Variants in BEST1 observed in about 807,000 individuals in gnomAD.
BEST1 encodes bestrophin 1, also known as bestrophin-1.
Under a neutral mutation model 63.3 loss-of-function variants are expected in BEST1, and 58 were observed. That is an observed-to-expected ratio of 0.92 (90% CI 0.74 to 1.14). The LOEUF is 1.14. Among genes scored for constraint, BEST1 ranks in the 50% most tolerant of loss-of-function variants. BEST1 has a pLI of 0.00. For missense variants in BEST1, 671 were observed against 740.1 expected (o/e 0.91, Z 1.08); for synonymous variants, 283 against 291.6 (o/e 0.97, Z 0.30).
At chr11:61,952,086 AC>A in intron 2 of BEST1, 128 bp downstream of exon 2, 1 of 1,211,196 alleles carries the variant, frequency 8.3e-7, no homozygotes, top group Non-Finnish European at 1.2e-6. Flanking sequence ...TGAGCTCCTG[AC>A]CAGGTCCTGG....
In BEST1 at chr11:61,962,697, T is replaced by C. The variant is rs774906757; in HGVS notation, c.1543T>C (p.Leu515=). 2.5e-6 allele frequency: 4 copies of C among 1,614,210 alleles called. No individual in the cohort carries two copies. Among genetic ancestry groups the C allele is most frequent in the Non-Finnish European group, 1.7e-6 (2 of 1,180,046 alleles). ...TTCTGGGGCCAAGAAAAGTTTTGAA[T>C]TGCTCTCAGAGAGCGATGGGGCCTT... ...VSSGAKKSFE[L]LSESDGALME... Residue 515 remains leucine (L), a synonymous_variant, in exon 10 of 11, where the codon TTG becomes CTG. Transcript: ENST00000378043.
intron 3 of BEST1, 37 bp from the exon 4 acceptor site, chr11:61,955,681 G>GGCCCCTCGCCCCTCGCCCCCC: frequency 1.3e-6 from 2 of 1,527,990 alleles, no homozygotes; most frequent in Non-Finnish European, 1.8e-6. Context: ...GCCGCAGCCT[G>GGCCCCTCGCCCCTCGCCCCCC]GCCCCTCGCC....
downstream of BEST1, chr11:61,964,656 C>A: frequency 6.7e-7 from 1 of 1,501,488 alleles, no homozygotes; most frequent in Admixed American, 1.7e-5. Flanking sequence ...GTAAAGGAAA[C>A]CCCAACATGC....
chr11:61,964,014 C>T (rs1165347355), intron 10 of BEST1, 90 bp from the exon 11 acceptor site: 2 of 1,578,830 alleles, frequency 1.3e-6, no homozygotes, highest in Non-Finnish European at 1.7e-6. Context: ...AAAGGATCGT[C>T]TCAACCTTTG....
In BEST1 at chr11:61,955,197, G is replaced by A. The variant is rs552858877; in HGVS notation, c.243G>A (p.Val81=). ...SYIQLIPISF[V]LGFYVTLVVT... The stretch of plus-strand genomic sequence containing the variant: ...TCCAGCTCATCCCCATTTCCTTCGT[G>A]CTGGGTGAGTTCCCCCTTCTGGCTG... Residue 81 remains valine, a synonymous_variant, in exon 3 of 11, where the codon GTG becomes GTA. Coordinates refer to ENST00000378043, the MANE Select transcript of BEST1 (RefSeq NM_004183.4). 2 of 1,614,168 alleles carry A rather than the reference G, an allele frequency of 1.2e-6. No individual in the cohort carries two copies. The highest frequency in any genetic ancestry group is 2.2e-5 in the East Asian group (1 of 44,882).
chr11:61,959,949 A>G lies in BEST1; in HGVS notation c.1006A>G (p.Met336Val). The G allele has an allele frequency of 6.2e-7, 1 of 1,613,224 alleles. No homozygotes were observed. Among genetic ancestry groups the G allele is most frequent in the Non-Finnish European group, 8.5e-7 (1 of 1,179,700 alleles). ...GGACCTGCCTCGGATGGAGCCGGAC[A>G]TGTACTGGAATAAGCCCGAGCCACA... ...HQDLPRMEPDMYWNKPEPQPP... is the reference protein window; with the variant it reads ...HQDLPRMEPDVYWNKPEPQPP... Residue 336 changes from methionine (M) to valine (V), a missense_variant, in exon 9 of 11, where the codon ATG (methionine) becomes GTG (valine). Met to Val is a conservative substitution (Grantham distance 21, BLOSUM62 1). Transcript: ENST00000378043.
At position 61,951,879 on chromosome 11, in the gene BEST1, C is replaced by T. The variant is rs281865214; in HGVS notation, c.73C>T (p.Arg25Trp). ...CTTCTCCCGCCTGCTGCTGTGCTGG[C>T]GGGGCAGCATCTACAAGCTGCTATA... ...GSFSRLLLCW[R>W]GSIYKLLYGE... The change falls in exon 2 of 11, where the codon CGG becomes TGG. Residue 25 changes from arginine to tryptophan, a missense_variant. Coordinates refer to ENST00000378043, the MANE Select transcript of BEST1 (RefSeq NM_004183.4). The T allele has an allele frequency of 3.7e-6, 6 of 1,613,352 alleles. No individual in the cohort carries two copies. Among genetic ancestry groups the T allele is most frequent in the African/African-American group, 2.7e-5 (2 of 74,920 alleles).
chr11:61,955,093 A>ACCCCCCCCCC lies in BEST1; in HGVS notation c.153-9_153-8insCCCCCCCCCC. 8.6e-6 allele frequency: 10 copies of ACCCCCCCCCC among 1,166,882 alleles called. No individual in the cohort carries two copies. Among genetic ancestry groups the ACCCCCCCCCC allele is most frequent in the Admixed American group, 7.6e-5 (4 of 52,670 alleles). The allele number at this position is 1,166,882 out of a possible 1,614,324, so 72.3% of individuals were successfully genotyped here. ...GCTGCGTCCACACAATTCCACCCCC[A>ACCCCCCCCCC]CCCCCACCCCCAGGCTGGCCCTCAC... On this transcript the variant is annotated splice_polypyrimidine_tract_variant and intron_variant, in intron 2 of 10. Transcript: ENST00000378043.
intron 3 of BEST1, 32 bp downstream of exon 3, chr11:61,955,233 C>T (rs745653034): frequency 6.3e-7 from 1 of 1,590,528 alleles, no homozygotes; most frequent in South Asian, 1.1e-5. Context: ...TTCCGGGTCC[C>T]TGTGGCCGCC....
intron 2 of BEST1, among the ~76,000 whole-genome samples, chr11:61,952,371 T>G (rs538740831): frequency 2.0e-5 from 3 of 150,372 alleles, no homozygotes; most frequent in Admixed American, 1.3e-4. Flanking sequence ...GGTCTCGAAC[T>G]CCTAGGCTCA....
chr11:61,964,962 T>C (rs375508666), downstream of BEST1: 194 of 1,614,062 alleles, frequency 1.2e-4, no homozygotes, highest in Non-Finnish European at 1.5e-4. Flanking sequence ...TTCCTCCATT[T>C]ATTTCCTGGG....
At chr11:61,963,224 C>T (rs1218982615) in intron 10 of BEST1, 4 of 1,398,704 alleles carry the variant, frequency 2.9e-6, no homozygotes, top group Non-Finnish European at 2.8e-6. Flanking sequence ...CAGATGTTAT[C>T]ACTGGCCCCA....
At chr11:61,953,942 C>G (rs960856387) in intron 2 of BEST1, among the ~76,000 whole-genome samples, 1 of 151,806 alleles carries the variant, frequency 6.6e-6, no homozygotes. Flanking sequence ...AAACATTTAT[C>G]TAAACAATAA....
At chr11:61,964,997 T>C, downstream of BEST1, 4 of 1,614,056 alleles carry the variant, frequency 2.5e-6, no homozygotes, top group Non-Finnish European at 3.4e-6. Flanking sequence ...ATGGGGGTCA[T>C]TTTTGTCAGT....
At chr11:61,963,724 A>G (rs1942309786) in intron 10 of BEST1, 1 of 1,146,640 alleles carries the variant, frequency 8.7e-7, no homozygotes, top group Non-Finnish European at 1.1e-6. Context: ...TGGCCTGTTC[A>G]GCAAAGGATG....
rs1299527192 is a variant in BEST1 at position 61,960,017 on chromosome 11, C to T, written c.1074C>T (p.Ser358=). The change falls in exon 9 of 11, where the codon TCC becomes TCT. Residue 358 remains serine (S), a synonymous_variant. Transcript: ENST00000378043. ...TAASAQFRRA[S]FMGSTFNISL... ...CTTCCGCCCAGTTCCGTCGAGCCTC[C>T]TTTATGGGCTCCACCTTCAACATCA... is the stretch of plus-strand genomic sequence containing the variant. The T allele has an allele frequency of 6.2e-7, 1 of 1,609,998 alleles. No individual in the cohort carries two copies. The highest frequency in any genetic ancestry group is 8.5e-7 in the Non-Finnish European group (1 of 1,178,538).
At chr11:61,960,251 C>G (rs539997418) in intron 9 of BEST1, 172 of 718,146 alleles carry the variant, frequency 2.4e-4, no homozygotes, top group Admixed American at 2.1e-3. Context: ...AGTACAGGTT[C>G]AGAGAGAGTA....
intron 9 of BEST1, chr11:61,960,362 T>A: frequency 2.2e-6 from 1 of 449,064 alleles, no homozygotes; most frequent in East Asian, 4.3e-5. Context: ...GCTCTTGTCA[T>A]CCAGAACTAT....
Position 61,955,958 on chromosome 11 carries a change from G to A in BEST1, c.481+7G>A, listed in dbSNP as rs1370532610. ...CAGCACCTGGTGCAAGCAGGTGGGC[G>A]GACCGGGAGCAACGGGGAGGCACCG... On this transcript the variant is annotated splice_region_variant and intron_variant, in intron 4 of 10. Transcript: ENST00000378043. 3.2e-6 allele frequency: 5 copies of A among 1,544,178 alleles called. No individual in the cohort carries two copies. The highest frequency in any genetic ancestry group is 4.4e-6 in the Non-Finnish European group (5 of 1,143,166).
Sources: gnomAD v4.1 joint callset for allele counts (sites outside exome capture counted in the v4.1 genomes callset) on GRCh38, gnomAD v4.1.1 for gene constraint, MANE v1.5 for transcripts, NCBI Gene and HGNC (gene_info 2026-07-23, HGNC 2026-07-21) for gene names.